The following TBC1D14 variants were observed in gnomAD, a reference collection of about 807,000 sequenced individuals.
The protein encoded by TBC1D14 is TBC1 domain family member 14, also known as TBC1 domain family, member 14.
TBC1D14 carries 26 observed loss-of-function variants against 79.0 expected under a neutral mutation model. The ratio of observed to expected loss-of-function variants is 0.33; its 90% CI spans 0.24 to 0.46. The LOEUF is 0.46. TBC1D14 is among the 20% of genes least tolerant of loss of function. The pLI, the probability that TBC1D14 is intolerant of heterozygous loss-of-function variation, is 1.00. For synonymous variants in TBC1D14, 394 were observed against 349.9 expected (o/e 1.13, Z -1.40); for missense variants, 769 against 887.6 (o/e 0.87, Z 1.70).
chr4:6,961,231 G>C (rs1036946807), intron 2 of TBC1D14, among the ~76,000 whole-genome samples: 1 of 152,054 alleles, frequency 6.6e-6, no homozygotes, highest in Non-Finnish European at 1.5e-5. Context: ...TCACATGGCC[G>C]GGTGTGGCCT....
In TBC1D14 at chr4:7,010,644, C is replaced by G; in HGVS notation, c.1519-9C>G. On this transcript the variant is annotated splice_polypyrimidine_tract_variant and intron_variant, in intron 10 of 13. Coordinates refer to ENST00000409757, the MANE Select transcript of TBC1D14 (RefSeq NM_020773.3). ...TGTGATTTTAACGTGCCTTTCTCTC[C>G]TCTCTCAGGTCCAGGGCATGTCCTT... The G allele has an allele frequency of 1.2e-6, 2 of 1,609,354 alleles. No homozygotes were observed. Among genetic ancestry groups the G allele is most frequent in the Non-Finnish European group, 1.7e-6 (2 of 1,178,408 alleles).
intron 3 of TBC1D14, among the ~76,000 whole-genome samples, chr4:6,989,086 G>C (rs56300156): frequency 0.11 from 17,294 of 151,564 alleles, 1,489 homozygotes; most frequent in African/African-American, 0.24. Flanking sequence ...CTTTCTTTTC[G>C]CTCTTAAAAC....
chr4:6,975,366 A>G (rs1463515144), intron 3 of TBC1D14, among the ~76,000 whole-genome samples: 1 of 151,772 alleles, frequency 6.6e-6, no homozygotes, highest in African/African-American at 2.4e-5. Context: ...GTGACACCAC[A>G]CCTGGCTAAT....
chr4:6,938,139 A>G (rs1348903509), intron 2 of TBC1D14, among the ~76,000 whole-genome samples: 2 of 151,938 alleles, frequency 1.3e-5, no homozygotes, highest in Admixed American at 6.6e-5. Context: ...GCTTCTTCCC[A>G]TGGTGTAAGA....
chr4:6,932,118 G>C (rs555484896), intron 2 of TBC1D14, among the ~76,000 whole-genome samples: 4 of 152,066 alleles, frequency 2.6e-5, no homozygotes, highest in African/African-American at 9.7e-5. Flanking sequence ...CCAGCACTTC[G>C]GGAGACCAAG....
chr4:6,967,766 A>G (rs1463265273), intron 3 of TBC1D14, among the ~76,000 whole-genome samples: 1 of 152,204 alleles, frequency 6.6e-6, no homozygotes, highest in African/African-American at 2.4e-5. Context: ...GTATTGTTTG[A>G]TAGTAAAGCT....
At chr4:6,939,323 G>A (rs1398208171) in intron 2 of TBC1D14, among the ~76,000 whole-genome samples, 1 of 151,232 alleles carries the variant, frequency 6.6e-6, no homozygotes, top group African/African-American at 2.4e-5. Context: ...ATCCACAGGA[G>A]CCCCCCCCAG....
At position 6,923,870 on chromosome 4, in the gene TBC1D14, A is replaced by G. The variant is rs1296873078; in HGVS notation, c.481A>G (p.Ser161Gly). The G allele has an allele frequency of 6.2e-7, 1 of 1,614,180 alleles. No individual in the cohort carries two copies. The highest frequency in any genetic ancestry group is 2.2e-5 in the East Asian group (1 of 44,884). Residue 161 changes from serine (S) to glycine (G), a missense_variant, in exon 2 of 14, where the codon AGT becomes GGT. Physicochemically the swap from Ser to Gly is moderately conservative, Grantham distance 56. Around this residue, in one of 2 missense-constraint regions of TBC1D14, gnomAD observed 402 missense variants for 393.2 expected, o/e 1.02. Transcript: ENST00000409757. Reference protein sequence around the residue: ...SDDVSVCSVSSLGTELSTTLS... With the variant: ...SDDVSVCSVSGLGTELSTTLS... ...TGATGTCTCCGTCTGCAGCGTGTCC[A>G]GTCTTGGGACAGAGCTGTCCACCAC...
Position 7,025,148 on chromosome 4 carries a change from C to A in TBC1D14, c.1902C>A (p.Asp634Glu). The change falls in exon 13 of 14, where the codon GAC (aspartate) becomes GAA (glutamate). Residue 634 changes from aspartate to glutamate, a missense_variant. Transcript: ENST00000409757. ...KLFEDILTKM[D>E]FIHMAQFLTR... is the part of the protein sequence containing the mutation. ...TCGAGGACATCCTGACCAAGATGGA[C>A]TTCATTCACATGGCCCAGTTCCTGA... is the stretch of plus-strand genomic sequence containing the variant. The A allele has an allele frequency of 6.2e-7, 1 of 1,614,242 alleles. No individual in the cohort carries two copies. Among genetic ancestry groups the A allele is most frequent in the South Asian group, 1.1e-5 (1 of 91,086 alleles).
At chr4:7,015,828 C>A (rs895862199) in intron 12 of TBC1D14, among the ~76,000 whole-genome samples, 1 of 152,142 alleles carries the variant, frequency 6.6e-6, no homozygotes, top group African/African-American at 2.4e-5. Context: ...TGATTCACCC[C>A]ACAGGGTGCT....
chr4:6,955,699 A>G (rs925922384), intron 2 of TBC1D14, among the ~76,000 whole-genome samples: 2 of 152,188 alleles, frequency 1.3e-5, no homozygotes, highest in African/African-American at 4.8e-5. Flanking sequence ...AGTGTATGGT[A>G]TCTTGAGGGA....
chr4:6,998,983 C>T (rs1036854923), intron 5 of TBC1D14, 102 bp from the exon 6 acceptor site: 8 of 1,041,604 alleles, frequency 7.7e-6, no homozygotes, highest in South Asian at 1.4e-5. Flanking sequence ...TGCTTCAGGG[C>T]GGTTTTCCTG....
At chr4:6,954,118 C>A (rs1415012094) in intron 2 of TBC1D14, 14 of 598,778 alleles carry the variant, frequency 2.3e-5, no homozygotes. Context: ...CGCCCTGCCG[C>A]CCCCGCCTTT....
At chr4:7,023,071 T>C (rs956345587) in intron 12 of TBC1D14, among the ~76,000 whole-genome samples, 1 of 152,052 alleles carries the variant, frequency 6.6e-6, no homozygotes, top group African/African-American at 2.4e-5. Flanking sequence ...CGGGCCAAGA[T>C]GGTGAAACCC....
At chr4:7,013,620 C>T (rs1720990672) in intron 11 of TBC1D14, among the ~76,000 whole-genome samples, 1 of 152,234 alleles carries the variant, frequency 6.6e-6, no homozygotes, top group Non-Finnish European at 1.5e-5. Flanking sequence ...AGTGTTTCCC[C>T]CTCGTTGCAT....
At chr4:6,958,477 C>G (rs1050157152) in intron 2 of TBC1D14, among the ~76,000 whole-genome samples, 5 of 152,018 alleles carry the variant, frequency 3.3e-5, no homozygotes, top group Admixed American at 2.6e-4. Flanking sequence ...CCCAGGCTGG[C>G]TGGAGTGCAG....
At chr4:6,990,995 G>A (rs1224342246) in intron 3 of TBC1D14, among the ~76,000 whole-genome samples, 1 of 152,194 alleles carries the variant, frequency 6.6e-6, no homozygotes, top group Admixed American at 6.5e-5. Context: ...TGAGCTTACT[G>A]TTGTCACCTC....
chr4:7,027,335 A>C (rs547332018), intron 13 of TBC1D14, among the ~76,000 whole-genome samples: 12 of 127,382 alleles, frequency 9.4e-5, no homozygotes, highest in South Asian at 2.7e-4. Context: ...CAATCACCCC[A>C]CACACACAAT....
chr4:6,978,167 G>C, intron 3 of TBC1D14, among the ~76,000 whole-genome samples: 1 of 150,548 alleles, frequency 6.6e-6, no homozygotes, highest in East Asian at 2.0e-4. Flanking sequence ...GAGGTGAGGG[G>C]CGCCTCTGCC....
Sources: allele counts gnomAD v4.1 joint callset (sites outside exome capture counted in the v4.1 genomes callset), GRCh38; gene constraint gnomAD v4.1.1; regional missense constraint gnomAD v4.1.1; transcripts MANE v1.5; gene names NCBI Gene and HGNC (gene_info 2026-07-23, HGNC 2026-07-21).